BCL2L13: variants seen among roughly 807,000 people sequenced by gnomAD.
BCL2L13 encodes the protein BCL2 like 13, also known as bcl-2-like protein 13.
Under a neutral mutation model 25.8 loss-of-function variants are expected in BCL2L13, and 13 were observed. The ratio of observed to expected loss-of-function variants is 0.50; its 90% CI spans 0.33 to 0.80. BCL2L13 has a LOEUF of 0.80. Among genes scored for constraint, BCL2L13 ranks in the 30% least tolerant of loss-of-function variants. The pLI is 0.02. For synonymous variants in BCL2L13, 244 were observed against 230.3 expected, an observed-to-expected ratio of 1.06 and a Z score of -0.54; for missense variants, 504 against 574.9, an observed-to-expected ratio of 0.88 and a Z score of 1.26.
chr22:17,688,927 C>T, intron 3 of BCL2L13, 59 bp from the exon 4 acceptor site: 1 of 1,539,248 alleles, frequency 6.5e-7, no homozygotes, highest in East Asian at 2.3e-5. Flanking sequence ...GCCACCACAC[C>T]CAGCTAATTT....
chr22:17,631,692 ATATATATATATATATTT>A (rs2058027351), intron 1 of BCL2L13, among the ~76,000 whole-genome samples: 1 of 57,578 alleles, frequency 1.7e-5, no homozygotes, highest in African/African-American at 6.7e-5. Context: ...ATATATATAT[ATATATATATATATATTT>A]TTTTTTTTTT....
rs1057420091 is a variant in BCL2L13 at position 17,643,983 on chromosome 22, A to G, written c.-51+5097A>G. ...GAGTGCAGTGGTGCAATCTCGGCTC[A>G]CTGCAAACTCCGCTTCCTGGGCTCA... On this transcript the variant is annotated intron_variant, in intron 1 of 6. Transcript: ENST00000317582. 4.0e-5 allele frequency among the ~76,000 whole-genome samples: 6 copies of G among 151,292 alleles called. No homozygotes were observed. In the South Asian group the frequency reaches 1.2e-3, roughly 31 times the overall value.
Position 17,653,451 on chromosome 22 carries a change from T to C in BCL2L13, c.-50-2211T>C, listed in dbSNP as rs116969234. ...TTCCATATTCTCGTAACTTGTCTCC[T>C]TGCGTCTACTCTTCAGTCTGTCTTC... On this transcript the variant is annotated intron_variant, in intron 1 of 6. Transcript: ENST00000317582. Among the ~76,000 whole-genome samples, 31 of 152,076 alleles carry C rather than the reference T, an allele frequency of 2.0e-4. No homozygotes were observed. In the East Asian group the frequency reaches 6.0e-3, roughly 29 times the overall value.
chr22:17,714,076 G>A (rs1038604465), intron 6 of BCL2L13, among the ~76,000 whole-genome samples: 12 of 151,648 alleles, frequency 7.9e-5, no homozygotes, highest in African/African-American at 2.9e-4. Context: ...GGTGGATCAC[G>A]AGGTCAGGAG....
At chr22:17,671,922 C>A (rs2059431969) in intron 2 of BCL2L13, among the ~76,000 whole-genome samples, 1 of 152,230 alleles carries the variant, frequency 6.6e-6, no homozygotes, top group African/African-American at 2.4e-5. Flanking sequence ...CCATGTTGGC[C>A]AGGCTGGTGT....
intron 5 of BCL2L13, among the ~76,000 whole-genome samples, chr22:17,699,462 G>A (rs2060366101): frequency 6.6e-6 from 1 of 152,168 alleles, no homozygotes; most frequent in Non-Finnish European, 1.5e-5. Context: ...ACCACATAGT[G>A]TACGAAGAGA....
At chr22:17,653,650 G>A (rs1031197207) in intron 1 of BCL2L13, among the ~76,000 whole-genome samples, 7 of 151,464 alleles carry the variant, frequency 4.6e-5, no homozygotes, top group Admixed American at 6.6e-5. Flanking sequence ...GACTACAGGC[G>A]CATGCCACCA....
intron 2 of BCL2L13, among the ~76,000 whole-genome samples, chr22:17,682,306 T>G (rs1157566294): frequency 6.6e-6 from 1 of 152,188 alleles, no homozygotes; most frequent in East Asian, 1.9e-4. Flanking sequence ...TAGCCTCAGT[T>G]GTGTGCTTTG....
chr22:17,654,936 C>T (rs949538758), intron 1 of BCL2L13, among the ~76,000 whole-genome samples: 1 of 152,102 alleles, frequency 6.6e-6, no homozygotes, highest in South Asian at 2.1e-4. Context: ...ATTGCCCAGG[C>T]TGGTCTTGAA....
At chr22:17,704,848 A>T (rs1043797553) in intron 6 of BCL2L13, among the ~76,000 whole-genome samples, 1 of 152,040 alleles carries the variant, frequency 6.6e-6, no homozygotes, top group African/African-American at 2.4e-5. Flanking sequence ...GTGTGTTTTG[A>T]TAGAGAACTT....
At position 17,630,343 on chromosome 22, in the gene BCL2L13, G is replaced by C. The variant is rs529202495; in HGVS notation, c.-650+1338G>C. ...CGCCCAGGCTGCAGTGCAACGGCAT[G>C]GTGTCAGCTCACTACAACCTCTGCC... On this transcript the variant is annotated intron_variant, in intron 1 of 6. Coordinates refer to the BCL2L13 transcript ENST00000399782. Among the ~76,000 whole-genome samples the C allele has an allele frequency of 6.0e-5, 9 of 150,862 alleles. No homozygotes were observed. In the South Asian group the frequency reaches 1.7e-3, roughly 28 times the overall value.
chr22:17,642,472 T>C (rs1456833203), intron 1 of BCL2L13, among the ~76,000 whole-genome samples: 6 of 152,174 alleles, frequency 3.9e-5, no homozygotes, highest in African/African-American at 1.4e-4. Context: ...CTGGCTTCTT[T>C]CACTTAGCAT....
intron 3 of BCL2L13, among the ~76,000 whole-genome samples, chr22:17,684,177 C>T (rs937750462): frequency 6.6e-6 from 1 of 151,976 alleles, no homozygotes; most frequent in Admixed American, 6.6e-5. Flanking sequence ...TTAAAAGGTC[C>T]AGTTCAGTCT....
At chr22:17,694,147 T>A (rs5992792) in intron 4 of BCL2L13, among the ~76,000 whole-genome samples, 17,001 of 152,150 alleles carry the variant, frequency 0.11, 1,140 homozygotes, top group African/African-American at 0.16. Flanking sequence ...TAGATTTTTT[T>A]AATTTTAAAT....
At chr22:17,631,694 ATATATATATATATTTTTTTTTT>A (rs2058028411) in intron 1 of BCL2L13, among the ~76,000 whole-genome samples, 2 of 38,532 alleles carry the variant, frequency 5.2e-5, no homozygotes, top group African/African-American at 7.3e-5. Context: ...ATATATATAT[ATATATATATATATTTTTTTTTT>A]TTTTTTTTTT....
At chr22:17,709,439 A>G (rs780664280) in intron 6 of BCL2L13, among the ~76,000 whole-genome samples, 14 of 150,556 alleles carry the variant, frequency 9.3e-5, no homozygotes, top group Non-Finnish European at 1.5e-4. Context: ...TATGAAAAAT[A>G]CAAAAATTAG....
At chr22:17,687,322 ATTTTAT>A (rs1417900289) in intron 3 of BCL2L13, among the ~76,000 whole-genome samples, 1 of 36,480 alleles carries the variant, frequency 2.7e-5, no homozygotes, top group Admixed American at 4.2e-4. Context: ...TTCAAGTTTT[ATTTTAT>A]TTTTATTTAA....
At chr22:17,694,434 A>C (rs1056250645) in intron 4 of BCL2L13, among the ~76,000 whole-genome samples, 12 of 152,062 alleles carry the variant, frequency 7.9e-5, no homozygotes, top group African/African-American at 1.9e-4. Flanking sequence ...GCTAGCACTG[A>C]GGCTGAGGTA....
At chr22:17,659,215 T>G (rs2058989608) in intron 2 of BCL2L13, among the ~76,000 whole-genome samples, 1 of 144,964 alleles carries the variant, frequency 6.9e-6, no homozygotes, top group Non-Finnish European at 1.6e-5. Context: ...AATACAAAAA[T>G]TAGCTAGGTA....
Sources: gnomAD v4.1 joint callset for allele counts (sites outside exome capture counted in the v4.1 genomes callset) on GRCh38, gnomAD v4.1.1 for gene constraint, MANE v1.5 for transcripts, NCBI Gene and HGNC (gene_info 2026-07-23, HGNC 2026-07-21) for gene names.